Variants in FGF10 observed in about 807,000 individuals in gnomAD.
FGF10 encodes fibroblast growth factor 10.
FGF10 carries 2 observed loss-of-function variants against 19.8 expected under a neutral mutation model. The ratio of observed to expected loss-of-function variants is 0.10; its 90% CI spans 0.04 to 0.32. FGF10 has a LOEUF of 0.32. Ranked by LOEUF, FGF10 falls within the 10% of genes least tolerant of loss-of-function variation. FGF10 has a pLI of 1.00. For missense variants in FGF10, 191 were observed against 246.3 expected, an observed-to-expected ratio of 0.78 and a Z score of 1.50; for synonymous variants, 112 against 94.0, an observed-to-expected ratio of 1.19 and a Z score of -1.10.
intron 1 of FGF10, among the ~76,000 whole-genome samples, chr5:44,349,453 T>TATCAGAATATATATATATCAGA (rs1554038156): frequency 3.9e-4 from 9 of 23,070 alleles, no homozygotes; most frequent in Admixed American, 9.0e-4. Flanking sequence ...TATATATATA[T>TATCAGAATATATATATATCAGA]ATATATATAT....
chr5:44,360,358 TG>T (rs535385219), intron 1 of FGF10, among the ~76,000 whole-genome samples: 111 of 151,716 alleles, frequency 7.3e-4, no homozygotes, highest in African/African-American at 2.7e-3. Flanking sequence ...TATCTTCTGA[TG>T]GCTTTTGATA....
At chr5:44,376,016 A>G (rs1741848423) in intron 1 of FGF10, among the ~76,000 whole-genome samples, 1 of 152,134 alleles carries the variant, frequency 6.6e-6, no homozygotes, top group African/African-American at 2.4e-5. Context: ...TCAATGATTT[A>G]GGGAATTTTT....
intron 1 of FGF10, among the ~76,000 whole-genome samples, chr5:44,353,402 A>G (rs1741278807): frequency 6.6e-6 from 1 of 151,564 alleles, no homozygotes; most frequent in Non-Finnish European, 1.5e-5. Flanking sequence ...GTTATGATTT[A>G]TAGCAATCTC....
At chr5:44,363,563 A>G (rs551067297) in intron 1 of FGF10, among the ~76,000 whole-genome samples, 7 of 151,990 alleles carry the variant, frequency 4.6e-5, no homozygotes, top group Admixed American at 1.3e-4. Flanking sequence ...GAAATGTCTT[A>G]TACACTCAAG....
At chr5:44,316,956 G>T (rs1301813549) in intron 1 of FGF10, among the ~76,000 whole-genome samples, 1 of 152,108 alleles carries the variant, frequency 6.6e-6, no homozygotes, top group Non-Finnish European at 1.5e-5. Flanking sequence ...AAGAATTAAA[G>T]GACTATATGG....
At chr5:44,348,101 G>A (rs928573364) in intron 1 of FGF10, among the ~76,000 whole-genome samples, 1 of 151,566 alleles carries the variant, frequency 6.6e-6, no homozygotes, top group Non-Finnish European at 1.5e-5. Flanking sequence ...AAGCTCCTGA[G>A]GATTCTACCT....
chr5:44,379,294 C>CA (rs1336189784), intron 1 of FGF10, among the ~76,000 whole-genome samples: 1 of 152,208 alleles, frequency 6.6e-6, no homozygotes, highest in Non-Finnish European at 1.5e-5. Context: ...TTCAACAATG[C>CA]ATTTATTCGT....
chr5:44,309,395 T>C (rs1740159171), intron 2 of FGF10, among the ~76,000 whole-genome samples: 1 of 152,164 alleles, frequency 6.6e-6, no homozygotes, highest in African/African-American at 2.4e-5. Flanking sequence ...GATTGAAACC[T>C]AGTTCCCAAC....
At chr5:44,384,531 G>C (rs1742055435) in intron 1 of FGF10, among the ~76,000 whole-genome samples, 1 of 152,062 alleles carries the variant, frequency 6.6e-6, no homozygotes. Context: ...AGAGATTTGA[G>C]GTGTCAAATT....
intron 1 of FGF10, among the ~76,000 whole-genome samples, chr5:44,326,468 G>T (rs539378923): frequency 6.6e-6 from 1 of 152,156 alleles, no homozygotes; most frequent in East Asian, 1.9e-4. Flanking sequence ...CCATGATCAT[G>T]GCTCATTACA....
At chr5:44,331,781 A>C (rs1348763880) in intron 1 of FGF10, among the ~76,000 whole-genome samples, 1 of 152,164 alleles carries the variant, frequency 6.6e-6, no homozygotes, top group Non-Finnish European at 1.5e-5. Flanking sequence ...CCGGCTGTTA[A>C]TAACACATAA....
intron 1 of FGF10, among the ~76,000 whole-genome samples, chr5:44,343,333 A>G (rs1741012692): frequency 1.3e-5 from 2 of 152,124 alleles, no homozygotes; most frequent in South Asian, 2.1e-4. Flanking sequence ...TATTGCTAAT[A>G]TTATAGCTCA....
intron 1 of FGF10, among the ~76,000 whole-genome samples, chr5:44,386,255 A>C (rs1469949145): frequency 6.6e-6 from 1 of 152,210 alleles, no homozygotes; most frequent in East Asian, 1.9e-4. Context: ...ATAGCAATTT[A>C]GGTTGTGTAA....
At chr5:44,328,955 C>T (rs1740671614) in intron 1 of FGF10, among the ~76,000 whole-genome samples, 1 of 152,022 alleles carries the variant, frequency 6.6e-6, no homozygotes, top group Non-Finnish European at 1.5e-5. Flanking sequence ...CACGATTGCA[C>T]CATTACAATC....
intron 1 of FGF10, among the ~76,000 whole-genome samples, chr5:44,346,224 A>C (rs1018026288): frequency 6.6e-6 from 1 of 151,714 alleles, no homozygotes; most frequent in Non-Finnish European, 1.5e-5. Context: ...TCTGCCTCCA[A>C]AATGTCTTGA....
At chr5:44,329,106 T>C (rs1295727623) in intron 1 of FGF10, among the ~76,000 whole-genome samples, 1 of 152,180 alleles carries the variant, frequency 6.6e-6, no homozygotes, top group Non-Finnish European at 1.5e-5. Context: ...ATAATGTAGA[T>C]TGTGCTCTTA....
At chr5:44,363,064 C>G (rs1417436746) in intron 1 of FGF10, among the ~76,000 whole-genome samples, 1 of 151,734 alleles carries the variant, frequency 6.6e-6, no homozygotes, top group Non-Finnish European at 1.5e-5. Context: ...TGTAACTTTT[C>G]CAATATTCTA....
At chr5:44,355,224 T>C (rs1374968) in intron 1 of FGF10, among the ~76,000 whole-genome samples, 148,793 of 151,496 alleles carry the variant, frequency 0.98, 73,137 homozygotes, top group East Asian at 1. Flanking sequence ...CTTTTCAAGA[T>C]GTGTAAAATC....
intron 1 of FGF10, among the ~76,000 whole-genome samples, chr5:44,321,546 G>T (rs1740488092): frequency 6.6e-6 from 1 of 152,130 alleles, no homozygotes; most frequent in Non-Finnish European, 1.5e-5. Context: ...GACTAAAATG[G>T]CTTTCTGATT....
Sources: gnomAD v4.1 joint callset for allele counts (sites outside exome capture counted in the v4.1 genomes callset) on GRCh38, gnomAD v4.1.1 for gene constraint, MANE v1.5 for transcripts, NCBI Gene and HGNC (gene_info 2026-07-23, HGNC 2026-07-21) for gene names.